CSPP1: variants seen among roughly 807,000 people sequenced by gnomAD.
CSPP1 encodes centrosome and spindle pole-associated protein 1.
In CSPP1, 126 loss-of-function variants were observed where a neutral mutation model predicts 164.4. The ratio of observed to expected loss-of-function variants is 0.77; its 90% CI spans 0.66 to 0.89. CSPP1 has a LOEUF of 0.89. Among genes scored for constraint, CSPP1 ranks in the 40% least tolerant of loss-of-function variants. CSPP1 has a pLI of 0.00. For synonymous variants in CSPP1, 472 were observed against 476.7 expected, an observed-to-expected ratio of 0.99 and a Z score of 0.13; for missense variants, 1,395 against 1,449.8, an observed-to-expected ratio of 0.96 and a Z score of 0.61.
Position 67,189,281 on chromosome 8 carries a change from G to A in CSPP1, c.3221-1369G>A, listed in dbSNP as rs143491665. On this transcript the variant is annotated intron_variant, in intron 28 of 30. Transcript: ENST00000678616. ...CACTCCTTGGTATTTGCCTAAGGGA[G>A]CTGAAAACTTGTCCATAAAGAAACT... Among the ~76,000 whole-genome samples, 3 of 152,244 alleles carry A rather than the reference G, an allele frequency of 2.0e-5. No homozygotes were observed. The East Asian group carries it at 5.8e-4, about 29-fold the overall frequency.
intron 24 of CSPP1, 151 bp downstream of exon 24, chr8:67,164,659 A>C (rs1828974912): frequency 5.8e-6 from 3 of 521,688 alleles, no homozygotes; most frequent in Non-Finnish European, 1.0e-5. Flanking sequence ...AATCAGCTGT[A>C]GAAATTTAGT....
intron 28 of CSPP1, among the ~76,000 whole-genome samples, chr8:67,180,868 A>C (rs1832837648): frequency 1.3e-5 from 2 of 151,920 alleles, no homozygotes; most frequent in Admixed American, 1.3e-4. Flanking sequence ...TTTTTTTTTA[A>C]AGTAGTATAC....
chr8:67,176,037 T>TTC (rs1157694182), intron 26 of CSPP1, among the ~76,000 whole-genome samples: 1 of 143,646 alleles, frequency 7.0e-6, no homozygotes, highest in Non-Finnish European at 1.5e-5. Context: ...GCTAAAGAAG[T>TTC]ACAACTGTGA....
chr8:67,196,396 T>C lies in CSPP1; in HGVS notation c.*803T>C, dbSNP rs1296820611. On this transcript the variant is annotated 3_prime_UTR_variant, in exon 31 of 31. Transcript: ENST00000678616. ...ATGGAACCTTGGATAAGTGAGTCCA[T>C]GTGAGTTTTCTAATCACTCAGTAAG... The C allele has an allele frequency of 2.0e-5, 3 of 152,194 alleles. No individual in the cohort carries two copies. Among genetic ancestry groups the C allele is most frequent in the Non-Finnish European group, 2.9e-5 (2 of 68,028 alleles). The allele number at this position is 152,194 out of a possible 1,614,324, so 9.4% of individuals were successfully genotyped here.
rs1371196228 is a variant in CSPP1 at position 67,103,692 on chromosome 8, A to T, written c.1022+557A>T. ...AAGAAAAAATTAGCCAGGCGTGGCA[A>T]TCCCTGTAATCCCTGGTAATCCCTG... On this transcript the variant is annotated intron_variant, in intron 8 of 30. Coordinates refer to ENST00000678616, the MANE Select transcript of CSPP1 (RefSeq NM_001382391.1). Among the ~76,000 whole-genome samples, 5 of 151,760 alleles carry T rather than the reference A, an allele frequency of 3.3e-5. No individual in the cohort carries two copies. The East Asian group carries it at 9.7e-4, about 29-fold the overall frequency.
chr8:67,191,318 A>G (rs1163964628), intron 29 of CSPP1, among the ~76,000 whole-genome samples: 1 of 152,222 alleles, frequency 6.6e-6, no homozygotes, highest in Non-Finnish European at 1.5e-5. Context: ...GTTTCCTTAT[A>G]TATGACGTGA....
At chr8:67,094,596 A>AT (rs1177437504) in intron 6 of CSPP1, among the ~76,000 whole-genome samples, 7 of 150,962 alleles carry the variant, frequency 4.6e-5, no homozygotes, top group Non-Finnish European at 1.0e-4. Flanking sequence ...TTTTCTTGAA[A>AT]TTTTTTTTTC....
intron 28 of CSPP1, among the ~76,000 whole-genome samples, chr8:67,185,678 C>A (rs577576176): frequency 6.6e-6 from 1 of 151,994 alleles, no homozygotes; most frequent in Non-Finnish European, 1.5e-5. Context: ...GCAGTCTACC[C>A]CTGGAGGTGG....
intron 7 of CSPP1, among the ~76,000 whole-genome samples, chr8:67,097,926 A>G (rs972404808): frequency 2.0e-5 from 3 of 151,670 alleles, no homozygotes; most frequent in African/African-American, 4.8e-5. Context: ...TATATAAATC[A>G]TATTTTTATT....
At chr8:67,102,566 G>T (rs917724532) in intron 7 of CSPP1, among the ~76,000 whole-genome samples, 3 of 152,024 alleles carry the variant, frequency 2.0e-5, no homozygotes, top group Non-Finnish European at 4.4e-5. Context: ...CTCCAGCCTG[G>T]CGACACAGCA....
At chr8:67,165,823 G>C (rs1390060265) in intron 24 of CSPP1, among the ~76,000 whole-genome samples, 1 of 152,174 alleles carries the variant, frequency 6.6e-6, no homozygotes, top group African/African-American at 2.4e-5. Flanking sequence ...ACTATTCTTT[G>C]GTCACAAATG....
chr8:67,190,852 C>A, intron 29 of CSPP1, 93 bp downstream of exon 29: 1 of 879,132 alleles, frequency 1.1e-6, no homozygotes, highest in Non-Finnish European at 1.9e-6. Context: ...CAATAAAGAG[C>A]ACTTGCTTGA....
intron 16 of CSPP1, 84 bp downstream of exon 16, chr8:67,132,164 G>A (rs1821359913): frequency 1.5e-6 from 2 of 1,335,372 alleles, no homozygotes; most frequent in South Asian, 1.6e-5. Flanking sequence ...TGGCCGGGGA[G>A]GGGAAAAAAA....
intron 28 of CSPP1, among the ~76,000 whole-genome samples, chr8:67,188,127 A>G (rs1172503230): frequency 6.6e-6 from 1 of 152,242 alleles, no homozygotes; most frequent in African/African-American, 2.4e-5. Context: ...ATTATTTGCA[A>G]AAGACATGTC....
chr8:67,117,395 C>A (rs1303310787), intron 13 of CSPP1, among the ~76,000 whole-genome samples: 4 of 152,148 alleles, frequency 2.6e-5, no homozygotes, highest in Non-Finnish European at 5.9e-5. Flanking sequence ...ATACATACAA[C>A]AGTGAGAACA....
chr8:67,182,739 T>C (rs1409878754), intron 28 of CSPP1, among the ~76,000 whole-genome samples: 1 of 152,246 alleles, frequency 6.6e-6, no homozygotes, highest in Non-Finnish European at 1.5e-5. Flanking sequence ...ATTAGTGATG[T>C]TGGACATCTT....
At chr8:67,151,880 G>A (rs1175988534) in intron 18 of CSPP1, among the ~76,000 whole-genome samples, 1 of 151,972 alleles carries the variant, frequency 6.6e-6, no homozygotes, top group East Asian at 1.9e-4. Context: ...ATGAGGCCAG[G>A]AGATCGAGAC....
intron 15 of CSPP1, among the ~76,000 whole-genome samples, chr8:67,121,801 G>C (rs1819030368): frequency 6.6e-6 from 1 of 151,956 alleles, no homozygotes; most frequent in Non-Finnish European, 1.5e-5. Context: ...TTCTTTGTTG[G>C]GTGATTATTG....
At position 67,160,031 on chromosome 8, in the gene CSPP1, CTTTTTCT is replaced by C. The variant is rs753487700; in HGVS notation, c.2538+899_2538+905del. On this transcript the variant is annotated intron_variant, in intron 21 of 30. Transcript: ENST00000678616. The stretch of plus-strand genomic sequence containing the variant: ...CTTTTCTTTTCTTTTCTTTTCTTTT[CTTTTTCT>C]TTTTCTTTTTCTTTCTTTTTGTTTT... 5.4e-3 allele frequency among the ~76,000 whole-genome samples: 290 copies of C among 53,956 alleles called. 21 individuals carry two copies. Among genetic ancestry groups the C allele is most frequent in the African/African-American group, 0.013 (120 of 9,236 alleles). 35.4% of individuals were successfully genotyped at this position (53,956 alleles called of 152,430 possible). A position where few individuals can be genotyped will look rare whatever the true frequency, so the allele number is the denominator to read the frequency against.
Sources: allele counts gnomAD v4.1 joint callset (sites outside exome capture counted in the v4.1 genomes callset), GRCh38; gene constraint gnomAD v4.1.1; transcripts MANE v1.5; gene names NCBI Gene and HGNC (gene_info 2026-07-23, HGNC 2026-07-21).